The following CLCA1 variants were observed in gnomAD, a reference collection of about 807,000 sequenced individuals.
CLCA1 encodes chloride channel accessory 1.
A neutral mutation model predicts 85.6 loss-of-function variants in CLCA1; 59 were observed. That is an observed-to-expected ratio of 0.69 (90% confidence interval 0.56 to 0.86). CLCA1 has a LOEUF of 0.86. Among genes scored for constraint, CLCA1 ranks in the 40% least tolerant of loss-of-function variants. CLCA1 has a pLI of 0.00. For missense variants in CLCA1, 1,022 were observed against 1,101.4 expected, an observed-to-expected ratio of 0.93 and a Z score of 1.02; for synonymous variants, 396 against 398.3, an observed-to-expected ratio of 0.99 and a Z score of 0.07.
intron 8 of CLCA1, 73 bp from the exon 9 acceptor site, chr1:86,491,192 C>A: frequency 9.1e-7 from 1 of 1,093,948 alleles, no homozygotes; most frequent in Non-Finnish European, 1.4e-6. Context: ...TGTATGCTCT[C>A]TAAACAACAG....
At chr1:86,482,841 G>A (rs1647855651) in intron 5 of CLCA1, among the ~76,000 whole-genome samples, 3 of 152,032 alleles carry the variant, frequency 2.0e-5, no homozygotes, top group Admixed American at 6.6e-5. Flanking sequence ...GTTACATTAG[G>A]GAGTTTACAC....
At chr1:86,494,056 A>C (rs543877654) in intron 10 of CLCA1, 131 bp from the exon 11 acceptor site, 3 of 1,019,104 alleles carry the variant, frequency 2.9e-6, no homozygotes, top group African/African-American at 1.6e-5. Flanking sequence ...CAGAGTATCA[A>C]ACATGCACAC....
Position 86,500,189 on chromosome 1 carries a change from G to A in CLCA1, c.*144G>A. The A allele has an allele frequency of 3.5e-6, 2 of 572,260 alleles. No individual in the cohort carries two copies. The highest frequency in any genetic ancestry group is 2.8e-5 in the East Asian group (1 of 35,484). The allele number at this position is 572,260 out of a possible 1,614,324, so 35.4% of individuals were successfully genotyped here. A position where few individuals can be genotyped will look rare whatever the true frequency, so the allele number is the denominator to read the frequency against. ...ATTTATACTAAATGTATTCCTGTAG[G>A]GGGCGATATACTAAATGTATTTTAG... On this transcript the variant is annotated 3_prime_UTR_variant, in exon 14 of 14. Transcript: ENST00000394711.
intron 6 of CLCA1, among the ~76,000 whole-genome samples, chr1:86,485,917 A>G (rs1010277523): frequency 3.9e-4 from 60 of 152,282 alleles, no homozygotes; most frequent in African/African-American, 1.4e-3. Flanking sequence ...TTTATAAAGG[A>G]AAGAGGTTTA....
At chr1:86,489,651 T>A (rs1388046229) in intron 8 of CLCA1, among the ~76,000 whole-genome samples, 1 of 152,172 alleles carries the variant, frequency 6.6e-6, no homozygotes, top group Non-Finnish European at 1.5e-5. Context: ...AGGCAAAAGA[T>A]CACTCCCAAA....
At chr1:86,491,451 A>C in intron 9 of CLCA1, 80 bp downstream of exon 9, 1 of 918,422 alleles carries the variant, frequency 1.1e-6, no homozygotes, top group East Asian at 2.5e-5. Context: ...TAAAAGTTTT[A>C]AGTTTTCCAC....
intron 7 of CLCA1, 95 bp from the exon 8 acceptor site, chr1:86,488,901 C>T (rs1298979873): frequency 1.7e-5 from 18 of 1,065,580 alleles, no homozygotes; most frequent in Non-Finnish European, 2.2e-5. Context: ...GTTATTCCCT[C>T]TAGAATTTCT....
chr1:86,497,493 G>A (rs957912334), intron 12 of CLCA1, among the ~76,000 whole-genome samples: 1 of 152,158 alleles, frequency 6.6e-6, no homozygotes, highest in African/African-American at 2.4e-5. Flanking sequence ...TCTACAGATT[G>A]AACAGACCAG....
intron 13 of CLCA1, among the ~76,000 whole-genome samples, chr1:86,499,437 G>T (rs566209766): frequency 3.4e-4 from 52 of 152,306 alleles, no homozygotes; most frequent in African/African-American, 1.2e-3. Context: ...CCAGTTTTAC[G>T]CTTATCACTG....
chr1:86,493,110 G>C (rs1333590571), intron 9 of CLCA1, among the ~76,000 whole-genome samples: 2 of 152,150 alleles, frequency 1.3e-5, no homozygotes. Context: ...AGCCTTCTAG[G>C]AAAACTAAAG....
intron 8 of CLCA1, among the ~76,000 whole-genome samples, chr1:86,490,200 G>C (rs1484351238): frequency 2.0e-5 from 3 of 152,174 alleles, no homozygotes; most frequent in South Asian, 2.1e-4. Flanking sequence ...TCTCTAGGTA[G>C]GGTGGCCCCT....
In CLCA1 at chr1:86,489,066, T is replaced by A. The variant is rs1251830633; in HGVS notation, c.1253T>A (p.Ile418Lys). Reference sequence around the variant, plus strand: ...CTGACGGATGGGGAAGACAACACTATAAGTGGGTGCTTTAACGAGGTCAAA... The same window carrying A: ...CTGACGGATGGGGAAGACAACACTAAAAGTGGGTGCTTTAACGAGGTCAAA... ...VLLTDGEDNT[I>K]SGCFNEVKQS... is the part of the protein sequence containing the mutation. The change falls in exon 8 of 14, where the codon ATA becomes AAA. Residue 418 changes from isoleucine (I) to lysine (K), a missense_variant. Physicochemically the swap from Ile to Lys is moderately radical, Grantham distance 102 (BLOSUM62 -3). Coordinates refer to ENST00000394711, the MANE Select transcript of CLCA1 (RefSeq NM_001285.4). The A allele has an allele frequency of 1.9e-6, 3 of 1,614,062 alleles. No homozygotes were observed. In the Admixed American group the frequency reaches 5.0e-5, roughly 27 times the overall value.
In CLCA1 at chr1:86,498,732, C is replaced by T. The variant is rs774506682; in HGVS notation, c.2274C>T (p.Asp758=). The T allele has an allele frequency of 5.0e-6, 8 of 1,613,914 alleles. No homozygotes were observed. In the Admixed American group the frequency reaches 8.3e-5, roughly 17 times the overall value. The change falls in exon 13 of 14, where the codon GAC becomes GAT. Residue 758 remains aspartate, a synonymous_variant. Transcript: ENST00000394711. ...TCTTCCCACCTGGCCAAATCACCGA[C>T]CTGAAGGCGGAAATTCACGGGGGCA... is the stretch of plus-strand genomic sequence containing the variant. The part of the protein sequence containing the change: ...PDLFPPGQIT[D]LKAEIHGGSL...
Position 86,489,017 on chromosome 1 carries a change from A to G in CLCA1, c.1204A>G (p.Thr402Ala), listed in dbSNP as rs138472865. 2,077 of 1,614,058 alleles carry G rather than the reference A, an allele frequency of 1.3e-3. 10 individuals carry two copies. Among genetic ancestry groups the G allele is most frequent in the Middle Eastern group, 3.3e-3 (20 of 6,060 alleles). The change falls in exon 8 of 14, where the codon ACT (threonine) becomes GCT (alanine). Residue 402 changes from threonine to alanine, a missense_variant. Coordinates refer to ENST00000394711, the MANE Select transcript of CLCA1 (RefSeq NM_001285.4). ...TTAGGTGATTAGGAAGAAATATCCA[A>G]CTGATGGATCTGAAATTGTGCTGCT... ...AFTVIRKKYP[T>A]DGSEIVLLTD...
chr1:86,495,461 C>T, intron 11 of CLCA1, 44 bp from the exon 12 acceptor site: 1 of 1,490,150 alleles, frequency 6.7e-7, no homozygotes, highest in South Asian at 1.2e-5. Context: ...TATACAAATA[C>T]CCTCCCCGTT....
Position 86,469,048 on chromosome 1 carries a change from A to G in CLCA1, c.77A>G (p.Gln26Arg), listed in dbSNP as rs1336596706. 1.9e-5 allele frequency: 31 copies of G among 1,612,992 alleles called. No homozygotes were observed. Among genetic ancestry groups the G allele is most frequent in the Non-Finnish European group, 2.6e-5 (31 of 1,179,466 alleles). Residue 26 changes from glutamine to arginine, a missense_variant, in exon 1 of 14, where the codon CAG (glutamine) becomes CGG (arginine). Physicochemically the swap from Gln to Arg is conservative, Grantham distance 43. Coordinates refer to ENST00000394711, the MANE Select transcript of CLCA1 (RefSeq NM_001285.4). ...GGGGCCCTGAGTAATTCACTCATTC[A>G]GCTGAACAACAATGGCTATGAAGGC... Reference protein sequence around the residue: ...LEGALSNSLIQLNNNGYEGIV... With the variant: ...LEGALSNSLIRLNNNGYEGIV...
rs1311228452 is a variant in CLCA1 at position 86,469,054 on chromosome 1, A to G, written c.83A>G (p.Asn28Ser). 3.7e-6 allele frequency: 6 copies of G among 1,613,070 alleles called. No individual in the cohort carries two copies. The African/African-American group carries it at 8.0e-5, about 22-fold the overall frequency. Residue 28 changes from asparagine to serine, a missense_variant, in exon 1 of 14, where the codon AAC becomes AGC. Physicochemically the swap from Asn to Ser is conservative, Grantham distance 46. Coordinates refer to ENST00000394711, the MANE Select transcript of CLCA1 (RefSeq NM_001285.4). Reference sequence around the variant, plus strand: ...CTGAGTAATTCACTCATTCAGCTGAACAACAATGGCTATGAAGGCATTGTC... The same window carrying G: ...CTGAGTAATTCACTCATTCAGCTGAGCAACAATGGCTATGAAGGCATTGTC... Reference protein sequence around the residue: ...GALSNSLIQLNNNGYEGIVVA... With the variant: ...GALSNSLIQLSNNGYEGIVVA...
At chr1:86,478,024 A>G (rs1487802195) in intron 4 of CLCA1, among the ~76,000 whole-genome samples, 2 of 152,208 alleles carry the variant, frequency 1.3e-5, no homozygotes, top group South Asian at 2.1e-4. Context: ...TTTCTCGCAC[A>G]GGACCATTAC....
At position 86,482,245 on chromosome 1, in the gene CLCA1, T is replaced by G. The variant is rs1647839597; in HGVS notation, c.598T>G (p.Cys200Gly). 3 of 1,613,998 alleles carry G rather than the reference T, an allele frequency of 1.9e-6. No homozygotes were observed. Among genetic ancestry groups the G allele is most frequent in the Non-Finnish European group, 2.5e-6 (3 of 1,179,888 alleles). ...TACTGGTACAAATGTAGTAAAGAAG[T>G]GTCAGGGAGGCAGCTGTTACACCAA... ...GITGTNVVKK[C>G]QGGSCYTKRC... is the part of the protein sequence containing the mutation. The change falls in exon 5 of 14, where the codon TGT becomes GGT. Residue 200 changes from cysteine (C) to glycine (G), a missense_variant. Physicochemically the swap from Cys to Gly is radical, Grantham distance 159. Coordinates refer to ENST00000394711, the MANE Select transcript of CLCA1 (RefSeq NM_001285.4).
Sources: gnomAD v4.1 joint callset for allele counts (sites outside exome capture counted in the v4.1 genomes callset) on GRCh38, gnomAD v4.1.1 for gene constraint, MANE v1.5 for transcripts, NCBI Gene and HGNC (gene_info 2026-07-23, HGNC 2026-07-21) for gene names.